The following P3H2 variants were observed in gnomAD, a reference collection of about 807,000 sequenced individuals.
P3H2 encodes prolyl 3-hydroxylase 2.
P3H2 carries 80 observed loss-of-function variants against 87.0 expected under a neutral mutation model. The ratio of observed to expected loss-of-function variants is 0.92; its 90% confidence interval spans 0.77 to 1.11. P3H2 has a LOEUF of 1.11. Among genes scored for constraint, P3H2 ranks in the 50% least tolerant of loss-of-function variants. P3H2 has a pLI of 0.00. For missense variants in P3H2, 1,001 were observed against 923.9 expected (o/e 1.08, Z -1.08); for synonymous variants, 367 against 359.3 (o/e 1.02, Z -0.24).
chr3:190,100,249 C>CG (rs1711569794), intron 1 of P3H2, among the ~76,000 whole-genome samples: 1 of 82,846 alleles, frequency 1.2e-5, no homozygotes, highest in Non-Finnish European at 2.2e-5. Context: ...CCCCCCCCGC[C>CG]GCCCCCCCCC....
intron 14 of P3H2, among the ~76,000 whole-genome samples, chr3:189,959,860 A>ATATGTGTG (rs1722758729): frequency 7.4e-6 from 1 of 134,796 alleles, no homozygotes; most frequent in African/African-American, 2.7e-5. Context: ...TGGAGGAGAT[A>ATATGTGTG]TGTGTGTGTG....
At chr3:190,036,542 T>G (rs531804525) in intron 1 of P3H2, among the ~76,000 whole-genome samples, 1 of 152,062 alleles carries the variant, frequency 6.6e-6, no homozygotes, top group African/African-American at 2.4e-5. Flanking sequence ...ATCTCCATTT[T>G]AAAAAAAATT....
At chr3:190,113,824 T>C (rs1272253943) in intron 1 of P3H2, among the ~76,000 whole-genome samples, 1 of 152,142 alleles carries the variant, frequency 6.6e-6, no homozygotes, top group Non-Finnish European at 1.5e-5. Flanking sequence ...GCGCCTGTAA[T>C]CCCAGCACTT....
chr3:190,044,205 C>G (rs973059183), intron 1 of P3H2, among the ~76,000 whole-genome samples: 1 of 152,184 alleles, frequency 6.6e-6, no homozygotes, highest in African/African-American at 2.4e-5. Flanking sequence ...TTTTGAAAAT[C>G]ATTAGCTAAT....
chr3:189,980,358 T>C (rs1723492076), intron 8 of P3H2, among the ~76,000 whole-genome samples: 1 of 151,862 alleles, frequency 6.6e-6, no homozygotes. Flanking sequence ...AGGTCAGGAG[T>C]TCGAGGCCAG....
At chr3:190,056,747 T>A (rs1370126242) in intron 1 of P3H2, among the ~76,000 whole-genome samples, 1 of 152,194 alleles carries the variant, frequency 6.6e-6, no homozygotes, top group Non-Finnish European at 1.5e-5. Flanking sequence ...TGGGATGCCT[T>A]AAACATGCCA....
rs536839685 is a variant in P3H2, at chr3:189,987,420, G to A, written c.1098+107C>T. On this transcript the variant is annotated intron_variant, in intron 5 of 14. Transcript: ENST00000319332. ...CTTGAACCCGGGAGGCGGAGGTTGC[G>A]GTGAGCCAAGATTGTGCCATTGCAC... 183 of 1,318,876 alleles carry A rather than the reference G, an allele frequency of 1.4e-4. No individual in the cohort carries two copies. In the African/African-American group the frequency reaches 1.7e-3, roughly 13 times the overall value. 81.7% of individuals were successfully genotyped at this position (1,318,876 alleles called of 1,614,324 possible). A position where few individuals can be genotyped will look rare whatever the true frequency, so the allele number is the denominator to read the frequency against.
chr3:190,003,623 C>G (rs189562152), intron 1 of P3H2, among the ~76,000 whole-genome samples: 116 of 152,226 alleles, frequency 7.6e-4, no homozygotes, highest in African/African-American at 2.6e-3. Flanking sequence ...ATTTGAATGG[C>G]TGCTGGGTAA....
intron 1 of P3H2, among the ~76,000 whole-genome samples, chr3:190,062,443 A>T (rs76510811): frequency 6.6e-6 from 1 of 152,312 alleles, no homozygotes; most frequent in Non-Finnish European, 1.5e-5. Context: ...CAAATTGAAT[A>T]AAGAAATAAT....
rs1051594223 is a variant in P3H2 at position 190,100,238 on chromosome 3, G to A, written c.480+20014C>T. ...GACAAAGAGCAAAACTCCGTCCCCCGCCCCCCCCGCCGCCCCCCCCCCCAA... is the reference window on the plus strand; with the variant it reads ...GACAAAGAGCAAAACTCCGTCCCCCACCCCCCCCGCCGCCCCCCCCCCCAA... On this transcript the variant is annotated intron_variant, in intron 1 of 14. Coordinates refer to ENST00000319332, the MANE Select transcript of P3H2 (RefSeq NM_018192.4). Among the ~76,000 whole-genome samples, 172 of 67,262 alleles carry A rather than the reference G, an allele frequency of 2.6e-3. 2 individuals are homozygous for A. Among genetic ancestry groups the A allele is most frequent in the African/African-American group, 9.4e-3 (164 of 17,386 alleles). 44.1% of individuals were successfully genotyped at this position (67,262 alleles called of 152,430 possible).
At chr3:189,980,724 CT>C (rs1190458246) in intron 8 of P3H2, among the ~76,000 whole-genome samples, 1 of 152,138 alleles carries the variant, frequency 6.6e-6, no homozygotes, top group Non-Finnish European at 1.5e-5. Flanking sequence ...TCCCTTGTTT[CT>C]AGCACAGAGC....
chr3:190,115,088 G>C (rs1254480658), intron 1 of P3H2, among the ~76,000 whole-genome samples: 3 of 152,104 alleles, frequency 2.0e-5, no homozygotes, highest in Admixed American at 2.0e-4. Flanking sequence ...TTATGGTCAA[G>C]ATAAAGGAAG....
chr3:190,076,779 C>A (rs530605185), intron 1 of P3H2, among the ~76,000 whole-genome samples: 1 of 152,200 alleles, frequency 6.6e-6, no homozygotes, highest in Admixed American at 6.5e-5. Context: ...GGTAAGGACA[C>A]ACCACAGCCT....
At chr3:189,984,328 G>GA (rs10532307) in intron 7 of P3H2, among the ~76,000 whole-genome samples, 64 of 151,094 alleles carry the variant, frequency 4.2e-4, no homozygotes, top group African/African-American at 1.3e-3. Context: ...TTTTTTCCTG[G>GA]AAAAAAAAAA....
At chr3:190,024,543 A>G (rs1725030551) in intron 1 of P3H2, among the ~76,000 whole-genome samples, 1 of 150,976 alleles carries the variant, frequency 6.6e-6, no homozygotes, top group East Asian at 1.9e-4. Context: ...AAAAAAAAAA[A>G]AAAAAAAAAA....
intron 1 of P3H2, among the ~76,000 whole-genome samples, chr3:190,057,671 G>T (rs1470042302): frequency 2.6e-5 from 4 of 152,188 alleles, no homozygotes; most frequent in African/African-American, 4.8e-5. Flanking sequence ...CAGAGGGAAG[G>T]CTGAGGCAAA....
At chr3:189,999,644 T>A (rs1487631851) in intron 1 of P3H2, among the ~76,000 whole-genome samples, 1 of 152,140 alleles carries the variant, frequency 6.6e-6, no homozygotes, top group Non-Finnish European at 1.5e-5. Flanking sequence ...TGGACTTCCT[T>A]TAAGACCTAA....
In P3H2 at chr3:190,120,679, A is replaced by C; in HGVS notation, c.53T>G (p.Leu18Arg). ...PPLLLLLPLL[L>R]PPPLWGGPPD... Reference sequence around the variant, plus strand: ...GGGGCCGCCCCACAGTGGCGGCGGCAGTAGCAGCGGCAGCAGCAGCAGCAG... The same window carrying C: ...GGGGCCGCCCCACAGTGGCGGCGGCCGTAGCAGCGGCAGCAGCAGCAGCAG... The change falls in exon 1 of 15, where the codon CTG (leucine) becomes CGG (arginine). Residue 18 changes from leucine to arginine, a missense_variant. By Grantham distance (102) the Leu-to-Arg change is moderately radical (BLOSUM62 -2). Coordinates refer to ENST00000319332, the MANE Select transcript of P3H2 (RefSeq NM_018192.4). 1 of 1,522,430 alleles carries C rather than the reference A, an allele frequency of 6.6e-7. No homozygotes were observed. 94.3% of individuals were successfully genotyped at this position (1,522,430 alleles called of 1,614,324 possible).
chr3:190,051,827 C>T (rs1010972116), intron 1 of P3H2, among the ~76,000 whole-genome samples: 2 of 152,218 alleles, frequency 1.3e-5, no homozygotes, highest in Non-Finnish European at 2.9e-5. Context: ...GGCATTTCAG[C>T]CAAGGGAGGC....
Sources: allele counts gnomAD v4.1 joint callset (sites outside exome capture counted in the v4.1 genomes callset), GRCh38; gene constraint gnomAD v4.1.1; transcripts MANE v1.5; gene names NCBI Gene and HGNC (gene_info 2026-07-23, HGNC 2026-07-21).